STAU1: variants seen among roughly 807,000 people sequenced by gnomAD.
The protein encoded by STAU1 is staufen double-stranded RNA binding protein 1.
STAU1 carries 13 observed loss-of-function variants against 62.9 expected under a neutral mutation model. That is an observed-to-expected ratio of 0.21 (90% CI 0.13 to 0.33). STAU1 has a LOEUF of 0.33. STAU1 is among the 10% of genes least tolerant of loss of function. STAU1 has a pLI of 1.00. For missense variants in STAU1, 571 were observed against 712.1 expected (o/e 0.80, Z 2.25); for synonymous variants, 269 against 265.1 (o/e 1.01, Z -0.14).
At chr20:49,116,045 T>C (rs376181671) in intron 12 of STAU1, among the ~76,000 whole-genome samples, 178 bp from the exon 13 acceptor site, 1 of 152,256 alleles carries the variant, frequency 6.6e-6, no homozygotes, top group African/African-American at 2.4e-5. Flanking sequence ...TTAAAAAATA[T>C]TCAGTTACCT....
intron 6 of STAU1, chr20:49,134,448 A>AAAAAAAAAAAAAAAAAAAAAAAAG: frequency 1.6e-6 from 1 of 625,654 alleles, no homozygotes; most frequent in Non-Finnish European, 2.8e-6. Context: ...AAAAAAAAAA[A>AAAAAAAAAAAAAAAAAAAAAAAAG]AGCTCTGGGT....
intron 2 of STAU1, 71 bp from the exon 3 acceptor site, chr20:49,166,356 C>G: frequency 1.6e-6 from 1 of 643,780 alleles, no homozygotes; most frequent in Non-Finnish European, 2.7e-6. Flanking sequence ...AATATTCAGT[C>G]AAAATGGTGT....
intron 13 of STAU1, 111 bp downstream of exon 13, chr20:49,115,671 A>G: frequency 5.2e-6 from 5 of 967,788 alleles, no homozygotes; most frequent in Admixed American, 1.9e-5. Context: ...AAGGGCCAGA[A>G]AGTAACTCAG....
At chr20:49,152,430 G>A (rs1480284622) in intron 4 of STAU1, among the ~76,000 whole-genome samples, 5 of 136,564 alleles carry the variant, frequency 3.7e-5, no homozygotes, top group African/African-American at 5.6e-5. Flanking sequence ...TGCAACCTCC[G>A]CTTCCTGGGT....
At chr20:49,184,410 C>T (rs1264758819) in intron 1 of STAU1, among the ~76,000 whole-genome samples, 1 of 152,156 alleles carries the variant, frequency 6.6e-6, no homozygotes, top group African/African-American at 2.4e-5. Context: ...AAAGCACTCA[C>T]ACTTACACAC....
At chr20:49,193,147 T>C (rs1482886181), upstream of STAU1, among the ~76,000 whole-genome samples, 5 of 151,144 alleles carry the variant, frequency 3.3e-5, no homozygotes, top group African/African-American at 4.9e-5. Flanking sequence ...GAGGCCAAGG[T>C]GGGCGGATCA....
chr20:49,147,899 G>A (rs2093162783), intron 5 of STAU1, among the ~76,000 whole-genome samples: 1 of 152,130 alleles, frequency 6.6e-6, no homozygotes, highest in Non-Finnish European at 1.5e-5. Context: ...GAAATAGATA[G>A]GCATCTGTAT....
chr20:49,205,363 GTTTTTTTTTTT>G, the STAU1 span, among the ~76,000 whole-genome samples: 4 of 118,126 alleles, frequency 3.4e-5, no homozygotes, highest in Non-Finnish European at 6.8e-5. Context: ...CTTTATGACA[GTTTTTTTTTTT>G]TTTTTTTTTG....
intron 5 of STAU1, among the ~76,000 whole-genome samples, chr20:49,136,594 T>A (rs988687506): frequency 6.6e-6 from 1 of 152,218 alleles, no homozygotes; most frequent in Non-Finnish European, 1.5e-5. Flanking sequence ...GGAAGCCACA[T>A]TTTGGAAAAG....
At chr20:49,167,549 G>A (rs910983638) in intron 2 of STAU1, among the ~76,000 whole-genome samples, 52 of 152,154 alleles carry the variant, frequency 3.4e-4, no homozygotes, top group African/African-American at 1.2e-3. Context: ...CCCCAAGAGT[G>A]CAGTTGTTCC....
upstream of STAU1, among the ~76,000 whole-genome samples, chr20:49,188,680 G>T (rs1230059752): frequency 4.6e-5 from 7 of 152,092 alleles, no homozygotes; most frequent in South Asian, 1.2e-3. Flanking sequence ...TTCCTTCCTT[G>T]CTGTCGCTTC....
At chr20:49,202,230 A>AAAAGAAAGAAAAAGAAAGAAAGAAAG in the STAU1 span, among the ~76,000 whole-genome samples, 7 of 130,366 alleles carry the variant, frequency 5.4e-5, no homozygotes, top group Non-Finnish European at 9.6e-5. Context: ...AAAAAAAAAA[A>AAAAGAAAGAAAAAGAAAGAAAGAAAG]AAAGAAAGAA....
chr20:49,187,732 C>G (rs2093805704), intron 1 of STAU1, among the ~76,000 whole-genome samples: 1 of 150,918 alleles, frequency 6.6e-6, no homozygotes, highest in Non-Finnish European at 1.5e-5. Flanking sequence ...CCTGGGCCGG[C>G]GACACTGAGA....
chr20:49,216,665 T>A, the STAU1 span, among the ~76,000 whole-genome samples: 8 of 151,388 alleles, frequency 5.3e-5, no homozygotes, highest in South Asian at 1.0e-3. Flanking sequence ...AAATAAGAAA[T>A]TTTTTTTTCC....
chr20:49,195,255 A>G, the STAU1 span, among the ~76,000 whole-genome samples: 1 of 152,118 alleles, frequency 6.6e-6, no homozygotes, highest in Admixed American at 6.6e-5. Context: ...AGATAGCAAC[A>G]GGCTGGGCGC....
At chr20:49,128,392 G>C (rs1219777437) in intron 6 of STAU1, among the ~76,000 whole-genome samples, 1 of 152,020 alleles carries the variant, frequency 6.6e-6, no homozygotes, top group Admixed American at 6.6e-5. Context: ...TCCTAACCGA[G>C]AGCCATGGCT....
At chr20:49,192,187 A>G (rs1203252085), upstream of STAU1, among the ~76,000 whole-genome samples, 3 of 151,934 alleles carry the variant, frequency 2.0e-5, no homozygotes, top group African/African-American at 7.2e-5. Flanking sequence ...TCTACTAAAA[A>G]TACAAAAAAT....
chr20:49,216,333 C>G, the STAU1 span, among the ~76,000 whole-genome samples: 1 of 152,108 alleles, frequency 6.6e-6, no homozygotes, highest in Non-Finnish European at 1.5e-5. Flanking sequence ...CGAGACCAAC[C>G]TGGCTAACAT....
the STAU1 span, among the ~76,000 whole-genome samples, chr20:49,208,162 C>G: frequency 6.6e-6 from 1 of 152,162 alleles, no homozygotes; most frequent in South Asian, 2.1e-4. Flanking sequence ...TGGGTTCAAG[C>G]GATTCTCCTG....
Sources: allele counts gnomAD v4.1 joint callset (sites outside exome capture counted in the v4.1 genomes callset), GRCh38; gene constraint gnomAD v4.1.1; transcripts MANE v1.5; gene names NCBI Gene and HGNC (gene_info 2026-07-23, HGNC 2026-07-21).